The following B3GAT1 variants were observed in gnomAD, a reference collection of about 807,000 sequenced individuals.
B3GAT1 encodes beta-1,3-glucuronyltransferase 1.
A neutral mutation model predicts 28.4 loss-of-function variants in B3GAT1; 11 were observed. The ratio of observed to expected loss-of-function variants is 0.39; its 90% CI spans 0.24 to 0.64. The LOEUF (loss-of-function observed/expected upper bound fraction) is 0.64. B3GAT1 is among the 30% of genes least tolerant of loss of function. The pLI is 0.50. For missense variants in B3GAT1, 375 were observed against 491.0 expected (o/e 0.76, Z 2.23); for synonymous variants, 255 against 223.1 (o/e 1.14, Z -1.27).
rs1944851134 is a variant in B3GAT1, at chr11:134,411,446, G to GA, written c.-282+360dup. Among the ~76,000 whole-genome samples the GA allele has an allele frequency of 6.6e-6, 1 of 152,020 alleles. No homozygotes were observed. The highest frequency in any genetic ancestry group is 2.4e-5 in the African/African-American group (1 of 41,408). ...GGGAGGTGGGGGACGACTGACCCCT[G>GA]ACTCCTCATCCGGCCACCAGAAACC... On this transcript the variant is annotated intron_variant, in intron 1 of 5. Transcript: ENST00000312527. This position sits in a 1 kb window ranked among gnomAD's most constrained non-coding sequence, Gnocchi z 6.0.
At chr11:134,397,808 C>T (rs1177979979) in intron 1 of B3GAT1, among the ~76,000 whole-genome samples, 1 of 152,194 alleles carries the variant, frequency 6.6e-6, no homozygotes, top group Non-Finnish European at 1.5e-5. Context: ...CTCCTCTCTG[C>T]CAGGACTTGG....
intron 1 of B3GAT1, among the ~76,000 whole-genome samples, chr11:134,405,846 G>A (rs1383561936): frequency 6.6e-6 from 1 of 152,198 alleles, no homozygotes; most frequent in African/African-American, 2.4e-5. Context: ...GTAGCCTGGG[G>A]TGTCCAGCAC....
At chr11:134,388,037 T>C in intron 1 of B3GAT1, 97 bp from the exon 2 acceptor site, 1 of 445,280 alleles carries the variant, frequency 2.2e-6, no homozygotes, top group Non-Finnish European at 4.3e-6. Context: ...GCATCGGGGG[T>C]TCCACAATGG....
At chr11:134,384,833 A>C (rs2136306490) in intron 2 of B3GAT1, 1 of 152,356 alleles carries the variant, frequency 6.6e-6, no homozygotes, top group African/African-American at 2.4e-5. Flanking sequence ...ATAGTTGCCA[A>C]GGTATATGTA....
At position 134,383,707 on chromosome 11, in the gene B3GAT1, G is replaced by A; in HGVS notation, c.594C>T (p.Asn198=). Reference sequence around the variant, plus strand: ...CTTCGAAGAGCTCCAGGCTGTAGGTGTTGTCGTCGTCGGCGAAGTAGACCA... The same window carrying A: ...CTTCGAAGAGCTCCAGGCTGTAGGTATTGTCGTCGTCGGCGAAGTAGACCA... The part of the protein sequence containing the change: ...PGVVYFADDD[N]TYSLELFEEM... The change falls in exon 3 of 6, where the codon AAC becomes AAT. Residue 198 remains asparagine (N), a synonymous_variant. Transcript: ENST00000312527. 1 of 1,588,850 alleles carries A rather than the reference G, an allele frequency of 6.3e-7. No individual in the cohort carries two copies. The highest frequency in any genetic ancestry group is 1.3e-5 in the African/African-American group (1 of 74,524).
At chr11:134,395,039 T>C (rs1944477903) in intron 1 of B3GAT1, among the ~76,000 whole-genome samples, 1 of 152,208 alleles carries the variant, frequency 6.6e-6, no homozygotes, top group Non-Finnish European at 1.5e-5. Context: ...CCGAATACAC[T>C]GTTGGCCCCG....
rs1944324277 is a variant in B3GAT1, at chr11:134,387,779, C to T, written c.-120G>A. On this transcript the variant is annotated 5_prime_UTR_variant, in exon 2 of 6. Coordinates refer to ENST00000312527, the MANE Select transcript of B3GAT1 (RefSeq NM_054025.3). ...AAGAACAGGCATGGGCCGGGCCGGCCAGGCATGGAGAGGACAGAGCAGCTG... is the reference window on the plus strand; with the variant it reads ...AAGAACAGGCATGGGCCGGGCCGGCTAGGCATGGAGAGGACAGAGCAGCTG... 3.2e-6 allele frequency: 5 copies of T among 1,544,876 alleles called. 1 individual carries two copies. In the Admixed American group the frequency reaches 9.8e-5, roughly 30 times the overall value.
Position 134,387,884 on chromosome 11 carries a change from G to A in B3GAT1, c.-225C>T, listed in dbSNP as rs1199829476. ...GTTTGGAGAGTCCGGCCCAACTGGA[G>A]TCTGAGAAGGGGTCGCTGTCCAGGG... On this transcript the variant is annotated 5_prime_UTR_variant, in exon 2 of 6. Transcript: ENST00000312527. 7 of 1,513,936 alleles carry A rather than the reference G, an allele frequency of 4.6e-6. No homozygotes were observed. The highest frequency in any genetic ancestry group is 6.2e-6 in the Non-Finnish European group (7 of 1,132,890). The allele number at this position is 1,513,936 out of a possible 1,614,324, so 93.8% of individuals were successfully genotyped here.
At chr11:134,397,420 G>T (rs1452590457) in intron 1 of B3GAT1, among the ~76,000 whole-genome samples, 2 of 152,112 alleles carry the variant, frequency 1.3e-5, no homozygotes, top group African/African-American at 2.4e-5. Flanking sequence ...GGCCATCTCT[G>T]CCCCGCCAGC....
Position 134,387,660 on chromosome 11 carries a change from C to T in B3GAT1, c.-1G>A, listed in dbSNP as rs768851076. On this transcript the variant is annotated 5_prime_UTR_variant, in exon 2 of 6. Coordinates refer to ENST00000312527, the MANE Select transcript of B3GAT1 (RefSeq NM_054025.3). ...CTAGGATGTCCCGTCTCTTCGGCAT[C>T]TCCAAGGCTGGCTGCACCCACGGCT... The T allele has an allele frequency of 6.2e-7, 1 of 1,614,114 alleles. No individual in the cohort carries two copies. Among genetic ancestry groups the T allele is most frequent in the Non-Finnish European group, 8.5e-7 (1 of 1,180,024 alleles).
In B3GAT1 at chr11:134,383,095, CTCTA is replaced by C. The variant is rs112379189; in HGVS notation, c.622-93_622-90del. 5.1e-5 allele frequency: 72 copies of C among 1,398,982 alleles called. No individual in the cohort carries two copies. In the East Asian group the frequency reaches 1.0e-3, roughly 19 times the overall value. The allele number at this position is 1,398,982 out of a possible 1,614,324, so 86.7% of individuals were successfully genotyped here. On this transcript the variant is annotated intron_variant, in intron 3 of 5. Coordinates refer to ENST00000312527, the MANE Select transcript of B3GAT1 (RefSeq NM_054025.3). ...AAGGGAGGCGACATCCTTCAGCCAC[CTCTA>C]TCTATGCCCATGGCCAGCCGCGGCC...
chr11:134,409,516 G>T (rs996278345), intron 1 of B3GAT1, among the ~76,000 whole-genome samples: 1 of 152,204 alleles, frequency 6.6e-6, no homozygotes, highest in Non-Finnish European at 1.5e-5. Flanking sequence ...TGATGTGCTT[G>T]ACCTCATAGC....
At chr11:134,402,931 C>T (rs1944649905) in intron 1 of B3GAT1, among the ~76,000 whole-genome samples, 1 of 150,210 alleles carries the variant, frequency 6.7e-6, no homozygotes, top group Admixed American at 6.6e-5. Context: ...AAAAAAAAGT[C>T]GAAGGGGCTT....
At chr11:134,386,509 G>C (rs898890807) in intron 2 of B3GAT1, 3 of 152,168 alleles carry the variant, frequency 2.0e-5, no homozygotes, top group African/African-American at 7.2e-5. Context: ...GGCGACCCAG[G>C]ACCCAGAGCC....
intron 1 of B3GAT1, among the ~76,000 whole-genome samples, chr11:134,407,032 C>CCCAAAACACCTG (rs1243349104): frequency 3.9e-5 from 6 of 152,174 alleles, no homozygotes; most frequent in Non-Finnish European, 5.9e-5. Flanking sequence ...ACTTTCCGTG[C>CCCAAAACACCTG]TGCCGGGAAC....
In B3GAT1 at chr11:134,411,441, C is replaced by T. The variant is rs1944850795; in HGVS notation, c.-282+366G>A. On this transcript the variant is annotated intron_variant, in intron 1 of 5. Transcript: ENST00000312527. The surrounding 1 kb of genome is among the most constrained non-coding windows in gnomAD (Gnocchi z 6.0). Reference sequence around the variant, plus strand: ...GGGTGGGGAGGTGGGGGACGACTGACCCCTGACTCCTCATCCGGCCACCAG... The same window carrying T: ...GGGTGGGGAGGTGGGGGACGACTGATCCCTGACTCCTCATCCGGCCACCAG... Among the ~76,000 whole-genome samples, 1 of 152,086 alleles carries T rather than the reference C, an allele frequency of 6.6e-6. No individual in the cohort carries two copies. Among genetic ancestry groups the T allele is most frequent in the Non-Finnish European group, 1.5e-5 (1 of 67,982 alleles).
intron 1 of B3GAT1, among the ~76,000 whole-genome samples, chr11:134,403,096 G>T (rs1258778566): frequency 1.3e-5 from 2 of 151,984 alleles, no homozygotes; most frequent in African/African-American, 2.4e-5. Context: ...GGTTTCCCAG[G>T]CTACCTATCA....
At position 134,387,888 on chromosome 11, in the gene B3GAT1, G is replaced by A. The variant is rs775071050; in HGVS notation, c.-229C>T. The A allele has an allele frequency of 7.9e-6, 12 of 1,513,154 alleles. No individual in the cohort carries two copies. In the African/African-American group the frequency reaches 1.1e-4, roughly 14 times the overall value. 93.7% of individuals were successfully genotyped at this position (1,513,154 alleles called of 1,614,324 possible). ...GGAGAGTCCGGCCCAACTGGAGTCT[G>A]AGAAGGGGTCGCTGTCCAGGGGCAG... is the stretch of plus-strand genomic sequence containing the variant. On this transcript the variant is annotated 5_prime_UTR_variant, in exon 2 of 6. Coordinates refer to ENST00000312527, the MANE Select transcript of B3GAT1 (RefSeq NM_054025.3).
chr11:134,385,399 CT>C (rs1944254102), intron 2 of B3GAT1: 1 of 152,326 alleles, frequency 6.6e-6, no homozygotes, highest in African/African-American at 2.4e-5. Flanking sequence ...AGGAGGCCTG[CT>C]CGTGGCTCTT....
Sources: allele counts gnomAD v4.1 joint callset (sites outside exome capture counted in the v4.1 genomes callset), GRCh38; gene constraint gnomAD v4.1.1; non-coding constraint Gnocchi (gnomAD v3.1); transcripts MANE v1.5; gene names NCBI Gene and HGNC (gene_info 2026-07-23, HGNC 2026-07-21).